YAF2: variants seen among roughly 807,000 people sequenced by gnomAD.
The protein encoded by YAF2 is YY1-associated factor 2.
In YAF2, 7 loss-of-function variants were observed where a neutral mutation model predicts 20.1. That is an observed-to-expected ratio of 0.35 (90% CI 0.20 to 0.65). The LOEUF (loss-of-function observed/expected upper bound fraction) is 0.65. Ranked by LOEUF, YAF2 falls within the 30% of genes least tolerant of loss-of-function variation. The pLI is 0.69. For missense variants in YAF2, 151 were observed against 219.2 expected, an observed-to-expected ratio of 0.69 and a Z score of 1.96; for synonymous variants, 74 against 76.0, an observed-to-expected ratio of 0.97 and a Z score of 0.14.
intron 2 of YAF2, among the ~76,000 whole-genome samples, chr12:42,203,515 T>C (rs2066955069): frequency 6.6e-6 from 1 of 152,174 alleles, no homozygotes; most frequent in African/African-American, 2.4e-5. Flanking sequence ...AGCATGATGC[T>C]TTCTATTTGA....
chr12:42,237,771 GCCGCGCCCGGTGCCCGGGCC>G, intron 1 of YAF2, 47 bp from the exon 2 acceptor site: 1 of 1,327,612 alleles, frequency 7.5e-7, no homozygotes, highest in Non-Finnish European at 9.7e-7. Context: ...TCACCAGCAG[GCCGCGCCCGGTGCCCGGGCC>G]CCGCGGCCGC....
intron 2 of YAF2, among the ~76,000 whole-genome samples, chr12:42,163,218 T>C (rs1010532539): frequency 2.0e-5 from 3 of 152,050 alleles, no homozygotes; most frequent in African/African-American, 7.2e-5. Flanking sequence ...GTTACTACTA[T>C]AAGATAAAGT....
intron 2 of YAF2, among the ~76,000 whole-genome samples, chr12:42,217,938 C>T (rs2067404315): frequency 6.6e-6 from 1 of 152,038 alleles, no homozygotes; most frequent in African/African-American, 2.4e-5. Context: ...GCAGAAGAAA[C>T]AGCATAATAT....
At chr12:42,228,385 A>C (rs867355779) in intron 2 of YAF2, among the ~76,000 whole-genome samples, 3,857 of 40,038 alleles carry the variant, frequency 0.096, 185 homozygotes, top group Middle Eastern at 0.19. Context: ...GGAAGTGAGG[A>C]GCCTCTCTGC....
chr12:42,222,247 C>T lies in YAF2; in HGVS notation c.152+15352G>A, dbSNP rs576447848. On this transcript the variant is annotated intron_variant, in intron 2 of 3. Transcript: ENST00000534854. ...TAAAGAAAAAAACACTAAGGTTTCA[C>T]CAACTCCTTGAATGAAAACTTGATA... is the stretch of plus-strand genomic sequence containing the variant. Among the ~76,000 whole-genome samples the T allele has an allele frequency of 3.3e-5, 5 of 152,260 alleles. 1 individual carries two copies. The South Asian group carries it at 1.0e-3, about 32-fold the overall frequency.
Position 42,161,564 on chromosome 12 carries a change from A to G in YAF2, c.305+49T>C, listed in dbSNP as rs756311390. 8.6e-6 allele frequency: 13 copies of G among 1,519,520 alleles called. No homozygotes were observed. The South Asian group carries it at 1.7e-4, about 20-fold the overall frequency. The allele number at this position is 1,519,520 out of a possible 1,614,324, so 94.1% of individuals were successfully genotyped here. A position where few individuals can be genotyped will look rare whatever the true frequency, so the allele number is the denominator to read the frequency against. ...TTAGTATGTCAAGGTTAAAAAAATT[A>G]AATGGTTTTATTATTTCAAAAATGT... On this transcript the variant is annotated intron_variant, in intron 3 of 3. Coordinates refer to ENST00000534854, the MANE Select transcript of YAF2 (RefSeq NM_005748.6).
chr12:42,235,358 G>GT (rs1459024528), intron 2 of YAF2: 18 of 1,015,314 alleles, frequency 1.8e-5, no homozygotes, highest in African/African-American at 3.5e-5. Context: ...CTTTAATCTT[G>GT]TTTTTTTAAC....
At chr12:42,204,075 C>T (rs899187393) in intron 2 of YAF2, among the ~76,000 whole-genome samples, 2 of 151,784 alleles carry the variant, frequency 1.3e-5, no homozygotes, top group Non-Finnish European at 2.9e-5. Context: ...TCTAAAAAAA[C>T]CAACCAAACA....
At chr12:42,205,665 G>A (rs2067021172) in intron 2 of YAF2, among the ~76,000 whole-genome samples, 2 of 152,120 alleles carry the variant, frequency 1.3e-5, no homozygotes, top group South Asian at 4.1e-4. Flanking sequence ...GAGCCACCGT[G>A]CCCGGTCATT....
chr12:42,229,355 G>A (rs1424472721), intron 2 of YAF2, among the ~76,000 whole-genome samples: 1 of 133,392 alleles, frequency 7.5e-6, no homozygotes, highest in Non-Finnish European at 1.6e-5. Context: ...CTCCACTATT[G>A]TCCCATGACC....
At chr12:42,234,994 GAAAAAAGA>G in intron 2 of YAF2, 1 of 984,452 alleles carries the variant, frequency 1.0e-6, no homozygotes, top group Non-Finnish European at 1.2e-6. Context: ...TCTCAAAAAA[GAAAAAAGA>G]AAAAAAGAAG....
At chr12:42,205,646 T>C (rs2067020429) in intron 2 of YAF2, among the ~76,000 whole-genome samples, 1 of 152,216 alleles carries the variant, frequency 6.6e-6, no homozygotes, top group African/African-American at 2.4e-5. Context: ...GTGCTGGGAT[T>C]ACAGACGTGA....
Position 42,216,680 on chromosome 12 carries a change from T to G in YAF2, c.152+20919A>C, listed in dbSNP as rs559010511. 5.9e-5 allele frequency among the ~76,000 whole-genome samples: 9 copies of G among 152,316 alleles called. No homozygotes were observed. In the East Asian group the frequency reaches 1.7e-3, roughly 29 times the overall value. On this transcript the variant is annotated intron_variant, in intron 2 of 3. Coordinates refer to ENST00000534854, the MANE Select transcript of YAF2 (RefSeq NM_005748.6). ...CATGTGTACAAATGACTATCAAATA[T>G]GTATTTACAGCCCTTTTCTCCTTCC...
chr12:42,166,517 G>T (rs1161862523), intron 2 of YAF2, among the ~76,000 whole-genome samples: 1 of 152,186 alleles, frequency 6.6e-6, no homozygotes, highest in Non-Finnish European at 1.5e-5. Context: ...AATATTGCAT[G>T]ATAAAATCCT....
intron 2 of YAF2, among the ~76,000 whole-genome samples, chr12:42,225,437 A>G (rs2067660846): frequency 6.6e-6 from 1 of 152,210 alleles, no homozygotes; most frequent in South Asian, 2.1e-4. Context: ...GTCTTTGCCC[A>G]TGCCTATGTC....
At chr12:42,178,153 T>C (rs1320770578) in intron 2 of YAF2, among the ~76,000 whole-genome samples, 1 of 152,218 alleles carries the variant, frequency 6.6e-6, no homozygotes, top group East Asian at 1.9e-4. Flanking sequence ...AAATATTTAA[T>C]GTTTTTAATG....
chr12:42,202,932 C>T (rs2066938980), intron 2 of YAF2, among the ~76,000 whole-genome samples: 1 of 152,030 alleles, frequency 6.6e-6, no homozygotes, highest in Non-Finnish European at 1.5e-5. Context: ...CCACCATGCC[C>T]GGGGCTAAAT....
rs7971397 is a variant in YAF2 at position 42,238,185 on chromosome 12, T to C, written c.-5A>G. Reference sequence around the variant, plus strand: ...GGGGCTCTTCTTGTCTCCCATGGCTTGGCTATCACCGCACGCCGAGAGTCG... The same window carrying C: ...GGGGCTCTTCTTGTCTCCCATGGCTCGGCTATCACCGCACGCCGAGAGTCG... On this transcript the variant is annotated 5_prime_UTR_variant, in exon 1 of 4. Coordinates refer to ENST00000534854, the MANE Select transcript of YAF2 (RefSeq NM_005748.6). 1.7e-3 allele frequency: 2,599 copies of C among 1,511,788 alleles called. 43 individuals are homozygous for C. In the African/African-American group the frequency reaches 0.034, roughly 20 times the overall value. The allele number at this position is 1,511,788 out of a possible 1,614,324, so 93.6% of individuals were successfully genotyped here.
chr12:42,237,944 A>T, intron 1 of YAF2: 1 of 431,210 alleles, frequency 2.3e-6, no homozygotes, highest in Non-Finnish European at 3.3e-6. Flanking sequence ...CCGCTCTGAC[A>T]CCCGGGCGGC....
Sources: allele counts gnomAD v4.1 joint callset (sites outside exome capture counted in the v4.1 genomes callset), GRCh38; gene constraint gnomAD v4.1.1; transcripts MANE v1.5; gene names NCBI Gene and HGNC (gene_info 2026-07-23, HGNC 2026-07-21).